The following KCNJ3 variants were observed in gnomAD, a reference collection of about 807,000 sequenced individuals.
KCNJ3 encodes potassium inwardly rectifying channel subfamily J member 3.
Under a neutral mutation model 39.2 loss-of-function variants are expected in KCNJ3, and 4 were observed. The observed-to-expected ratio is 0.10, with a 90% CI of 0.05 to 0.23. The LOEUF is 0.23. Among genes scored for constraint, KCNJ3 ranks in the 10% least tolerant of loss-of-function variants. The pLI, the probability that KCNJ3 is intolerant of heterozygous loss-of-function variation, is 1.00. For missense variants in KCNJ3, 276 were observed against 634.9 expected, an observed-to-expected ratio of 0.43 and a Z score of 6.08; for synonymous variants, 230 against 237.4, an observed-to-expected ratio of 0.97 and a Z score of 0.29.
intron 2 of KCNJ3, among the ~76,000 whole-genome samples, chr2:154,789,413 G>A (rs1464740845): frequency 6.6e-6 from 1 of 151,986 alleles, no homozygotes; most frequent in East Asian, 1.9e-4. Context: ...AATTAGAAGA[G>A]CAAACAAAGC....
chr2:154,760,013 T>C (rs1686010694), intron 2 of KCNJ3, among the ~76,000 whole-genome samples: 1 of 149,614 alleles, frequency 6.7e-6, no homozygotes, highest in African/African-American at 2.5e-5. Context: ...TACTGAGTGG[T>C]AGGGAATATA....
intron 2 of KCNJ3, among the ~76,000 whole-genome samples, chr2:154,785,741 T>C (rs1369528928): frequency 6.6e-6 from 1 of 152,210 alleles, no homozygotes; most frequent in African/African-American, 2.4e-5. Context: ...GCAACAAATA[T>C]GGACTTAGCA....
chr2:154,783,009 T>C (rs1186550772), intron 2 of KCNJ3, among the ~76,000 whole-genome samples: 1 of 152,058 alleles, frequency 6.6e-6, no homozygotes, highest in Non-Finnish European at 1.5e-5. Context: ...AAACCCCGTC[T>C]CTACTAAAAA....
chr2:154,849,077 A>C (rs138593445), intron 2 of KCNJ3, among the ~76,000 whole-genome samples: 125 of 152,246 alleles, frequency 8.2e-4, no homozygotes, highest in African/African-American at 2.9e-3. Flanking sequence ...ATGAATCCTC[A>C]AGCCTGATTT....
At chr2:154,759,607 A>G (rs1686004024) in intron 2 of KCNJ3, among the ~76,000 whole-genome samples, 2 of 152,108 alleles carry the variant, frequency 1.3e-5, no homozygotes, top group African/African-American at 2.4e-5. Context: ...ATATCTGTAT[A>G]CATAATCACT....
At chr2:154,739,873 A>G (rs775148543) in intron 2 of KCNJ3, among the ~76,000 whole-genome samples, 9 of 152,054 alleles carry the variant, frequency 5.9e-5, no homozygotes, top group African/African-American at 9.7e-5. Context: ...TATTTGGCAA[A>G]TAACTCAGTC....
intron 2 of KCNJ3, among the ~76,000 whole-genome samples, chr2:154,724,175 T>C (rs1685310871): frequency 6.6e-6 from 1 of 152,090 alleles, no homozygotes; most frequent in African/African-American, 2.4e-5. Flanking sequence ...AATGTTATAG[T>C]TACAGAAATC....
chr2:154,705,465 T>C (rs1210416290), intron 1 of KCNJ3, among the ~76,000 whole-genome samples: 1 of 152,168 alleles, frequency 6.6e-6, no homozygotes, highest in Non-Finnish European at 1.5e-5. Flanking sequence ...TGACTTTTGA[T>C]TCTTTTTCCA....
At position 154,809,621 on chromosome 2, in the gene KCNJ3, G is replaced by A. The variant is rs180894266; in HGVS notation, c.920-45106G>A. Among the ~76,000 whole-genome samples, 411 of 152,116 alleles carry A rather than the reference G, an allele frequency of 2.7e-3. 1 individual carries two copies. Among genetic ancestry groups the A allele is most frequent in the African/African-American group, 9.2e-3 (382 of 41,508 alleles). On this transcript the variant is annotated intron_variant, in intron 2 of 2. Transcript: ENST00000295101. ...GGCTTGAGGTTTTCCTTTATTTACC[G>A]GTTTTCTATCATAGGCAGAAAGGTC... is the stretch of plus-strand genomic sequence containing the variant.
chr2:154,807,945 G>A (rs368449218), intron 2 of KCNJ3, among the ~76,000 whole-genome samples: 1 of 151,914 alleles, frequency 6.6e-6, no homozygotes, highest in South Asian at 2.1e-4. Flanking sequence ...GTTGGAGTTG[G>A]TGCTCTCTCT....
Position 154,709,626 on chromosome 2 carries a change from G to A in KCNJ3, c.726G>A (p.Glu242=). 1 of 1,613,884 alleles carries A rather than the reference G, an allele frequency of 6.2e-7. No individual in the cohort carries two copies. Among genetic ancestry groups the A allele is most frequent in the Non-Finnish European group, 8.5e-7 (1 of 1,179,834 alleles). ...LLKSRQTPEG[E]FLPLDQLELD... Reference sequence around the variant, plus strand: ...AGTCTCGGCAGACACCTGAGGGTGAGTTCCTTCCCCTTGACCAACTTGAAC... The same window carrying A: ...AGTCTCGGCAGACACCTGAGGGTGAATTCCTTCCCCTTGACCAACTTGAAC... The change falls in exon 2 of 3, where the codon GAG becomes GAA. Residue 242 remains glutamate, a synonymous_variant. Coordinates refer to ENST00000295101, the MANE Select transcript of KCNJ3 (RefSeq NM_002239.4).
chr2:154,824,656 A>G (rs1687239060), intron 2 of KCNJ3, among the ~76,000 whole-genome samples: 1 of 152,222 alleles, frequency 6.6e-6, no homozygotes, highest in South Asian at 2.1e-4. Flanking sequence ...GTATTGAGAA[A>G]CATATAAATG....
At chr2:154,703,724 C>A (rs1410204990) in intron 1 of KCNJ3, among the ~76,000 whole-genome samples, 1 of 152,008 alleles carries the variant, frequency 6.6e-6, no homozygotes, top group Admixed American at 6.6e-5. Flanking sequence ...ATATCTTGCA[C>A]TGAAATGTGA....
chr2:154,786,038 T>G (rs946371231), intron 2 of KCNJ3, among the ~76,000 whole-genome samples: 1 of 152,214 alleles, frequency 6.6e-6, no homozygotes, highest in East Asian at 1.9e-4. Flanking sequence ...GTTTTAATCA[T>G]GAAATTGATG....
intron 2 of KCNJ3, among the ~76,000 whole-genome samples, chr2:154,845,238 C>T (rs1687645608): frequency 6.6e-6 from 1 of 152,162 alleles, no homozygotes; most frequent in Non-Finnish European, 1.5e-5. Context: ...GGTGCCTCAG[C>T]CTCCCAAGTA....
Position 154,699,519 on chromosome 2 carries a change from C to A in KCNJ3, c.702+42C>A. On this transcript the variant is annotated intron_variant, in intron 1 of 2. Transcript: ENST00000295101. The surrounding 1 kb of genome is among the most constrained non-coding windows in gnomAD (Gnocchi z 6.4). ...CCTTCCCCACCGGGAGACCTGCGTC[C>A]CCCAAACCCGCGGAGTAACTCGTCT... The A allele has an allele frequency of 6.6e-7, 1 of 1,515,894 alleles. No homozygotes were observed. Among genetic ancestry groups the A allele is most frequent in the Non-Finnish European group, 8.8e-7 (1 of 1,134,854 alleles). 93.9% of individuals were successfully genotyped at this position (1,515,894 alleles called of 1,614,324 possible). A position where few individuals can be genotyped will look rare whatever the true frequency, so the allele number is the denominator to read the frequency against.
chr2:154,837,951 A>C (rs933648352), intron 2 of KCNJ3, among the ~76,000 whole-genome samples: 1 of 152,218 alleles, frequency 6.6e-6, no homozygotes, highest in Non-Finnish European at 1.5e-5. Flanking sequence ...GTAATTTAGC[A>C]TCTGGAAAGC....
rs1289979315 is a variant in KCNJ3 at position 154,856,390 on chromosome 2, T to A, written c.*1077T>A. The A allele has an allele frequency of 1.3e-5, 2 of 152,622 alleles. No individual in the cohort carries two copies. The highest frequency in any genetic ancestry group is 4.8e-5 in the African/African-American group (2 of 41,476). 9.5% of individuals were successfully genotyped at this position (152,622 alleles called of 1,614,324 possible). A position where few individuals can be genotyped will look rare whatever the true frequency, so the allele number is the denominator to read the frequency against. On this transcript the variant is annotated 3_prime_UTR_variant, in exon 3 of 3. Transcript: ENST00000295101. ...CTTTTTCTGGAAATTTTGTCCATTT[T>A]AAAAACCAATCATTTTAAGAAGACA...
intron 2 of KCNJ3, 71 bp from the exon 3 acceptor site, chr2:154,854,656 T>C: frequency 8.8e-7 from 1 of 1,139,610 alleles, no homozygotes; most frequent in Non-Finnish European, 1.3e-6. Flanking sequence ...AAATGAATTA[T>C]TTAGGCCAAA....
Sources: gnomAD v4.1 joint callset for allele counts (sites outside exome capture counted in the v4.1 genomes callset) on GRCh38, gnomAD v4.1.1 for gene constraint, Gnocchi (gnomAD v3.1) non-coding constraint, MANE v1.5 for transcripts, NCBI Gene and HGNC (gene_info 2026-07-23, HGNC 2026-07-21) for gene names.